The following ZNF322 variants were observed in gnomAD, a reference collection of about 807,000 sequenced individuals.
The protein encoded by ZNF322 is zinc finger protein 322.
ZNF322 carries 1 observed loss-of-function variant against 18.3 expected under a neutral mutation model. The ratio of observed to expected loss-of-function variants is 0.05; its 90% CI spans 0.02 to 0.26. The LOEUF is 0.26. Among genes scored for constraint, ZNF322 ranks in the 10% least tolerant of loss-of-function variants. The pLI, the probability that ZNF322 is intolerant of heterozygous loss-of-function variation, is 1.00. For missense variants in ZNF322, 36 were observed against 403.6 expected (o/e 0.09, Z 7.80); for synonymous variants, 17 against 130.7 (o/e 0.13, Z 5.93).
intron 2 of ZNF322, among the ~76,000 whole-genome samples, chr6:26,649,675 G>GTGTATATATATA (rs1465971500): frequency 2.2e-3 from 51 of 22,944 alleles, no homozygotes; most frequent in East Asian, 8.3e-3. Flanking sequence ...GTGTGTGTGT[G>GTGTATATATATA]TATATATATA....
intron 2 of ZNF322, chr6:26,651,261 A>AAG (rs1765663907): frequency 6.6e-6 from 1 of 152,034 alleles, no homozygotes; most frequent in South Asian, 2.1e-4. Flanking sequence ...AAAAAAAAAA[A>AAG]AAGAATAAAA....
In ZNF322 at chr6:26,636,626, A is replaced by G. The variant is rs1765358309; in HGVS notation, c.*719T>C. On this transcript the variant is annotated 3_prime_UTR_variant, in exon 4 of 4. Coordinates refer to ENST00000415922, the MANE Select transcript of ZNF322 (RefSeq NM_024639.5). ...GCCTGATAAGACAGGAGCTTCTACC[A>G]AAGGTTTTCTCAGACTCAAGGTAAG... 6.7e-6 allele frequency: 1 copy of G among 148,382 alleles called. No individual in the cohort carries two copies. Among genetic ancestry groups the G allele is most frequent in the African/African-American group, 2.5e-5 (1 of 40,088 alleles). 9.2% of individuals were successfully genotyped at this position (148,382 alleles called of 1,614,324 possible).
intron 2 of ZNF322, among the ~76,000 whole-genome samples, chr6:26,652,733 C>A (rs1765694398): frequency 6.6e-6 from 1 of 151,862 alleles, no homozygotes; most frequent in African/African-American, 2.4e-5. Context: ...GAATGTACAA[C>A]ATAAAGAGTG....
chr6:26,657,323 A>T (rs1425759733), intron 2 of ZNF322, among the ~76,000 whole-genome samples: 1 of 151,948 alleles, frequency 6.6e-6, no homozygotes, highest in South Asian at 2.1e-4. Context: ...ATAAAATCCA[A>T]AGTTTTTACT....
At chr6:26,652,331 C>T (rs1227478875) in intron 2 of ZNF322, among the ~76,000 whole-genome samples, 1 of 152,026 alleles carries the variant, frequency 6.6e-6, no homozygotes, top group Admixed American at 6.6e-5. Flanking sequence ...TAAAAATCTC[C>T]AAAATATACA....
intron 2 of ZNF322, among the ~76,000 whole-genome samples, chr6:26,654,733 A>G (rs1460517892): frequency 1.3e-5 from 2 of 152,202 alleles, no homozygotes; most frequent in African/African-American, 4.8e-5. Flanking sequence ...AAATTTCACG[A>G]TGTTCAATCA....
intron 1 of ZNF322, chr6:26,658,892 CT>C (rs1765829876): frequency 6.6e-6 from 1 of 152,244 alleles, no homozygotes; most frequent in African/African-American, 2.4e-5. Flanking sequence ...CTAACTGTAA[CT>C]TCATAACAAA....
In ZNF322 at chr6:26,638,913, T is replaced by C. The variant is rs551261632; in HGVS notation, c.-175-185A>G. On this transcript the variant is annotated intron_variant, in intron 3 of 3. Coordinates refer to ENST00000415922, the MANE Select transcript of ZNF322 (RefSeq NM_024639.5). ...ATATAAAACTGATCAGCAATACATA[T>C]GGGAAACTGCAAGTAAGAACTCTTT... Among the ~76,000 whole-genome samples, 20 of 152,322 alleles carry C rather than the reference T, an allele frequency of 1.3e-4. No homozygotes were observed. The South Asian group carries it at 2.7e-3, about 21-fold the overall frequency.
chr6:26,644,198 T>A (rs1172403306), intron 2 of ZNF322, among the ~76,000 whole-genome samples: 1 of 152,236 alleles, frequency 6.6e-6, no homozygotes, highest in Non-Finnish European at 1.5e-5. Context: ...CTGATTTATA[T>A]TTCAACCACA....
At chr6:26,657,757 T>G (rs1765808222) in intron 2 of ZNF322, among the ~76,000 whole-genome samples, 1 of 152,096 alleles carries the variant, frequency 6.6e-6, no homozygotes, top group Non-Finnish European at 1.5e-5. Flanking sequence ...GGACCCCCAG[T>G]AGCTGTATAA....
At chr6:26,651,248 C>CAAAA (rs34112793) in intron 2 of ZNF322, 1 of 126,552 alleles carries the variant, frequency 7.9e-6, no homozygotes, top group Non-Finnish European at 1.7e-5. Flanking sequence ...CATTCACATG[C>CAAAA]AAAAAAAAAA....
rs568263957 is a variant in ZNF322, at chr6:26,642,640, G to A, written c.-176+1019C>T. Among the ~76,000 whole-genome samples the A allele has an allele frequency of 7.9e-5, 12 of 152,248 alleles. No individual in the cohort carries two copies. The South Asian group carries it at 1.5e-3, about 18-fold the overall frequency. ...CAAGTCCACAGTATACTCTGTCACC[G>A]TCATAATCTCAATCCTCAAAGCCTA... On this transcript the variant is annotated intron_variant, in intron 3 of 3. Transcript: ENST00000415922.
rs782323183 is a variant in ZNF322, at chr6:26,654,047, C to T, written c.-246+4511G>A. On this transcript the variant is annotated intron_variant, in intron 2 of 3. Transcript: ENST00000415922. ...ACTCGAATCAGTACAGATTTTCTCC[C>T]CTGTTGGGATAAGGGTACACTACTT... Among the ~76,000 whole-genome samples the T allele has an allele frequency of 2.6e-5, 4 of 152,158 alleles. 1 individual carries two copies. The highest frequency in any genetic ancestry group is 4.2e-4 in the South Asian group (2 of 4,816).
intron 3 of ZNF322, among the ~76,000 whole-genome samples, chr6:26,642,904 A>G (rs1765490332): frequency 6.6e-6 from 1 of 152,100 alleles, no homozygotes; most frequent in Non-Finnish European, 1.5e-5. Context: ...ACACCTCACA[A>G]TCAAGCCATC....
At position 26,638,666 on chromosome 6, in the gene ZNF322, A is replaced by C. The variant is rs1400542674; in HGVS notation, c.-113T>G. 1 of 830,104 alleles carries C rather than the reference A, an allele frequency of 1.2e-6. No homozygotes were observed. The highest frequency in any genetic ancestry group is 1.9e-6 in the Non-Finnish European group (1 of 522,460). The allele number at this position is 830,104 out of a possible 1,614,324, so 51.4% of individuals were successfully genotyped here. ...AGATACATCTGTTTCAGGCCTTTCAATCATGAGCCTCTACAAGTTTCCAGC... is the reference window on the plus strand; with the variant it reads ...AGATACATCTGTTTCAGGCCTTTCACTCATGAGCCTCTACAAGTTTCCAGC... On this transcript the variant is annotated 5_prime_UTR_variant, in exon 4 of 4. Transcript: ENST00000415922.
At chr6:26,648,539 T>C (rs377621706) in intron 2 of ZNF322, among the ~76,000 whole-genome samples, 1 of 152,196 alleles carries the variant, frequency 6.6e-6, no homozygotes, top group African/African-American at 2.4e-5. Context: ...TAGAAAACCC[T>C]ACAAAGGACC....
intron 2 of ZNF322, among the ~76,000 whole-genome samples, chr6:26,655,982 G>A (rs1389247686): frequency 4.6e-5 from 7 of 152,064 alleles, no homozygotes; most frequent in South Asian, 2.1e-4. Context: ...AGACTAAAAC[G>A]TTTGTTTAAT....
chr6:26,653,208 A>C (rs1765704824), intron 2 of ZNF322, among the ~76,000 whole-genome samples: 1 of 152,216 alleles, frequency 6.6e-6, no homozygotes, highest in African/African-American at 2.4e-5. Context: ...ATACATTAAA[A>C]GGCATGACAA....
At chr6:26,639,521 G>A (rs916897644) in intron 3 of ZNF322, among the ~76,000 whole-genome samples, 4 of 151,980 alleles carry the variant, frequency 2.6e-5, no homozygotes, top group Middle Eastern at 3.2e-3. Context: ...CTGTGGTTTA[G>A]AGGTATGTAC....
Sources: gnomAD v4.1 joint callset for allele counts (sites outside exome capture counted in the v4.1 genomes callset) on GRCh38, gnomAD v4.1.1 for gene constraint, MANE v1.5 for transcripts, NCBI Gene and HGNC (gene_info 2026-07-23, HGNC 2026-07-21) for gene names.